The following ERCC5 variants were observed in gnomAD, a reference collection of about 807,000 sequenced individuals.
ERCC5 encodes the protein DNA excision repair protein ERCC-5.
ERCC5 carries 68 observed loss-of-function variants against 105.6 expected under a neutral mutation model. The ratio of observed to expected loss-of-function variants is 0.64; its 90% confidence interval spans 0.53 to 0.79. The LOEUF (loss-of-function observed/expected upper bound fraction) is 0.79, where lower values mean the gene tolerates loss of function less well. ERCC5 is among the 30% of genes least tolerant of loss of function. ERCC5 has a pLI of 0.00. For missense variants in ERCC5, 1,373 were observed against 1,426.7 expected (o/e 0.96, Z 0.61); for synonymous variants, 546 against 526.2 (o/e 1.04, Z -0.51).
chr13:102,862,371 G>C lies in ERCC5; in HGVS notation c.1222G>C (p.Asp408His), dbSNP rs2140527404. The change falls in exon 8 of 15, where the codon GAT (aspartate) becomes CAT (histidine). Residue 408 changes from aspartate (D) to histidine (H), a missense_variant. Asp to His is a moderately conservative substitution (Grantham distance 81). Around this residue, in one of 3 missense-constraint regions of ERCC5, gnomAD observed 1,004 missense variants for 1,059.7 expected, o/e 0.95. Coordinates refer to ENST00000652225, the MANE Select transcript of ERCC5 (RefSeq NM_000123.4). Reference protein sequence around the residue: ...DEDVKVCAGDDVQTGGPGAEE... With the variant: ...DEDVKVCAGDHVQTGGPGAEE... Reference sequence around the variant, plus strand: ...AGATGTAAAAGTGTGTGCTGGGGATGATGTGCAGACGGGAGGGCCAGGAGC... The same window carrying C: ...AGATGTAAAAGTGTGTGCTGGGGATCATGTGCAGACGGGAGGGCCAGGAGC... 1 of 1,614,174 alleles carries C rather than the reference G, an allele frequency of 6.2e-7. No homozygotes were observed. Among genetic ancestry groups the C allele is most frequent in the Non-Finnish European group, 8.5e-7 (1 of 1,180,034 alleles).
intron 14 of ERCC5, among the ~76,000 whole-genome samples, chr13:102,874,226 A>G (rs1440145740): frequency 1.3e-5 from 2 of 152,218 alleles, no homozygotes; most frequent in Non-Finnish European, 2.9e-5. Flanking sequence ...GAAAATGAAG[A>G]AAATGAATTA....
intron 4 of ERCC5, among the ~76,000 whole-genome samples, chr13:102,854,956 T>G (rs1184698731): frequency 6.6e-6 from 1 of 152,198 alleles, no homozygotes; most frequent in African/African-American, 2.4e-5. Flanking sequence ...CTTGGCAGTT[T>G]GCCTTTGTCC....
At chr13:102,852,040 A>G (rs779726575) in intron 1 of ERCC5, 78 bp from the exon 2 acceptor site, 9 of 1,493,952 alleles carry the variant, frequency 6.0e-6, no homozygotes, top group Non-Finnish European at 7.4e-6. Context: ...CGTTTGGATA[A>G]TATCAGTTAT....
intron 9 of ERCC5, 101 bp downstream of exon 9, chr13:102,866,012 G>A: frequency 3.1e-6 from 5 of 1,603,316 alleles, no homozygotes; most frequent in Non-Finnish European, 3.4e-6. Context: ...GTAGCTATTT[G>A]CAGTACATCT....
At chr13:102,852,520 AAACT>A (rs1248097994) in intron 2 of ERCC5, among the ~76,000 whole-genome samples, 2 of 152,236 alleles carry the variant, frequency 1.3e-5, no homozygotes, top group African/African-American at 2.4e-5. Context: ...CTTTTAAATA[AAACT>A]AACTACTAAA....
rs1882799742 is a variant in ERCC5, at chr13:102,865,531, C to T, written c.1955-136C>T. The T allele has an allele frequency of 8.3e-7, 1 of 1,201,744 alleles. No homozygotes were observed. The highest frequency in any genetic ancestry group is 2.1e-5 in the Admixed American group (1 of 48,252). The allele number at this position is 1,201,744 out of a possible 1,614,324, so 74.4% of individuals were successfully genotyped here. A position where few individuals can be genotyped will look rare whatever the true frequency, so the allele number is the denominator to read the frequency against. On this transcript the variant is annotated intron_variant, in intron 8 of 14. Coordinates refer to ENST00000652225, the MANE Select transcript of ERCC5 (RefSeq NM_000123.4). The surrounding 1 kb of genome is among the most constrained non-coding windows in gnomAD (Gnocchi z 4.0). ...TTATTTATTAATAACGCTACTATTA[C>T]ATGTATTCTGTTATAGTCATATCTT...
At chr13:102,858,126 C>A in intron 5 of ERCC5, 149 bp from the exon 6 acceptor site, 1 of 1,116,434 alleles carries the variant, frequency 9.0e-7, no homozygotes, top group Non-Finnish European at 1.3e-6. Context: ...ACTTTGTTGC[C>A]TGTCACAGAT....
intron 12 of ERCC5, among the ~76,000 whole-genome samples, chr13:102,870,553 T>C (rs138906000): frequency 6.6e-6 from 1 of 152,150 alleles, no homozygotes; most frequent in African/African-American, 2.4e-5. Flanking sequence ...AGCTCACAAG[T>C]GCACTGATTC....
At chr13:102,851,364 G>A (rs1056688479) in intron 1 of ERCC5, among the ~76,000 whole-genome samples, 5 of 152,006 alleles carry the variant, frequency 3.3e-5, no homozygotes, top group African/African-American at 9.7e-5. Context: ...GCGCGATCTC[G>A]GCTCACTGCA....
In ERCC5 at chr13:102,846,259, G is replaced by A. The variant is rs751700191; in HGVS notation, c.-8G>A. On this transcript the variant is annotated 5_prime_UTR_variant, in exon 1 of 15. Transcript: ENST00000652225. ...TGTCGGGGTCCGCTCTTAGGACGCAGCCGCCTCATGGGGGTCCAGGGGCTC... is the reference window on the plus strand; with the variant it reads ...TGTCGGGGTCCGCTCTTAGGACGCAACCGCCTCATGGGGGTCCAGGGGCTC... The A allele has an allele frequency of 1.7e-5, 27 of 1,611,870 alleles. No individual in the cohort carries two copies. The East Asian group carries it at 6.0e-4, about 36-fold the overall frequency.
rs1308658632 is a variant in ERCC5 at position 102,854,301 on chromosome 13, CCCAGTCTTA to C, written c.397_405del (p.Ser133_Thr135del). 6 of 1,614,030 alleles carry C rather than the reference CCCAGTCTTA, an allele frequency of 3.7e-6. No homozygotes were observed. Among genetic ancestry groups the C allele is most frequent in the Non-Finnish European group, 5.1e-6 (6 of 1,180,020 alleles). The stretch of plus-strand genomic sequence containing the variant: ...TGTACTTTCCAGAGATGAAGCACTA[CCCAGTCTTA>C]CCCAAGTTCGAAGAGAAAACGACCT... On this transcript the variant is annotated inframe_deletion, in exon 4 of 15. Transcript: ENST00000652225.
chr13:102,863,019 A>G lies in ERCC5; in HGVS notation c.1870A>G (p.Thr624Ala), dbSNP rs749086459. 1.2e-6 allele frequency: 2 copies of G among 1,614,178 alleles called. No homozygotes were observed. Among genetic ancestry groups the G allele is most frequent in the Non-Finnish European group, 1.7e-6 (2 of 1,180,024 alleles). The change falls in exon 8 of 15, where the codon ACT becomes GCT. Residue 624 changes from threonine to alanine, a missense_variant. By Grantham distance (58) the Thr-to-Ala change is moderately conservative (BLOSUM62 0). Transcript: ENST00000652225. ...FLETIQEQQT[T>A]ESAGQDLISI... ...GGAAACCATCCAAGAACAGCAGACC[A>G]CTGAATCTGCAGGCCAGGATTTAAT...
rs542697960 is a variant in ERCC5 at position 102,875,683 on chromosome 13, A to G, written c.3341A>G (p.Gln1114Arg). The part of the protein sequence containing the change: ...DAESSSLMNV[Q>R]RRTAAKEPKT... ...GAAAGTTCATCTTTAATGAATGTAC[A>G]AAGGAGAACAGCTGCGAAAGAGCCA... The change falls in exon 15 of 15, where the codon CAA becomes CGA. Residue 1114 changes from glutamine to arginine, a missense_variant. Gln to Arg is a conservative substitution (Grantham distance 43, BLOSUM62 1). Coordinates refer to ENST00000652225, the MANE Select transcript of ERCC5 (RefSeq NM_000123.4). The G allele has an allele frequency of 1.9e-6, 3 of 1,614,198 alleles. No individual in the cohort carries two copies. The highest frequency in any genetic ancestry group is 3.3e-5 in the Admixed American group (2 of 60,026).
intron 12 of ERCC5, among the ~76,000 whole-genome samples, chr13:102,870,619 G>C (rs1488982269): frequency 1.3e-5 from 2 of 152,186 alleles, no homozygotes; most frequent in Non-Finnish European, 2.9e-5. Flanking sequence ...TAAAGTAGAG[G>C]AGAATTATCG....
At chr13:102,866,451 G>C (rs545704676) in intron 10 of ERCC5, 70 bp downstream of exon 10, 39 of 1,613,250 alleles carry the variant, frequency 2.4e-5, no homozygotes, top group Middle Eastern at 1.7e-4. Context: ...CTGCATGAAG[G>C]GGGTATGCAC....
chr13:102,848,238 G>A (rs1882056898), intron 1 of ERCC5, among the ~76,000 whole-genome samples: 1 of 152,100 alleles, frequency 6.6e-6, no homozygotes, highest in Admixed American at 6.5e-5. Flanking sequence ...TTCTACAATC[G>A]GTTTTGCTTT....
At position 102,861,050 on chromosome 13, in the gene ERCC5, A is replaced by C. The variant is rs535207369; in HGVS notation, c.673-457A>C. Among the ~76,000 whole-genome samples the C allele has an allele frequency of 1.5e-3, 222 of 147,744 alleles. No individual in the cohort carries two copies. The Middle Eastern group carries it at 0.018, about 12-fold the overall frequency. On this transcript the variant is annotated intron_variant, in intron 6 of 14. Transcript: ENST00000652225. ...GTCCCTCAGGCTGGAGTGCAATGGCACAATCTCGGCTCACTGCAACCTCTG... is the reference window on the plus strand; with the variant it reads ...GTCCCTCAGGCTGGAGTGCAATGGCCCAATCTCGGCTCACTGCAACCTCTG...
intron 2 of ERCC5, 87 bp from the exon 3 acceptor site, chr13:102,853,670 A>G: frequency 7.1e-7 from 1 of 1,415,878 alleles, no homozygotes; most frequent in Non-Finnish European, 9.8e-7. Flanking sequence ...AACTCAGACA[A>G]ACCAAATTCT....
chr13:102,861,853 T>C, intron 7 of ERCC5, 139 bp downstream of exon 7: 1 of 1,349,290 alleles, frequency 7.4e-7, no homozygotes. Flanking sequence ...ATTAATGGAT[T>C]AACTACTATA....
Sources: allele counts gnomAD v4.1 joint callset (sites outside exome capture counted in the v4.1 genomes callset), GRCh38; gene constraint gnomAD v4.1.1; regional missense constraint gnomAD v4.1.1; non-coding constraint Gnocchi (gnomAD v3.1); transcripts MANE v1.5; gene names NCBI Gene and HGNC (gene_info 2026-07-23, HGNC 2026-07-21).